TRAPPC9: variants seen among roughly 807,000 people sequenced by gnomAD.
TRAPPC9 encodes IKK2 binding protein.
TRAPPC9 carries 83 observed loss-of-function variants against 124.0 expected under a neutral mutation model. That is an observed-to-expected ratio of 0.67 (90% CI 0.56 to 0.80). The LOEUF is 0.80. Ranked by LOEUF, TRAPPC9 falls within the 30% of genes least tolerant of loss-of-function variation. TRAPPC9 has a pLI of 0.00. For missense variants in TRAPPC9, 1,302 were observed against 1,508.3 expected (o/e 0.86, Z 2.27); for synonymous variants, 638 against 617.5 (o/e 1.03, Z -0.49).
chr8:140,387,049 A>G (rs1408155008), intron 7 of TRAPPC9, among the ~76,000 whole-genome samples: 1 of 152,216 alleles, frequency 6.6e-6, no homozygotes, highest in African/African-American at 2.4e-5. Context: ...CAAACCTGAC[A>G]AAAACAAGAA....
At chr8:140,297,033 G>C (rs192510158) in intron 11 of TRAPPC9, among the ~76,000 whole-genome samples, 1 of 152,344 alleles carries the variant, frequency 6.6e-6, no homozygotes, top group African/African-American at 2.4e-5. Context: ...CTCCAGAGAG[G>C]AAAGGTGGAG....
At chr8:139,767,005 C>T (rs375268544) in intron 21 of TRAPPC9, among the ~76,000 whole-genome samples, 81 of 152,290 alleles carry the variant, frequency 5.3e-4, no homozygotes, top group African/African-American at 1.7e-3. Context: ...GCACAGGGCC[C>T]GGCTGGCAGT....
chr8:140,368,236 G>C (rs2068178545), intron 8 of TRAPPC9, among the ~76,000 whole-genome samples: 2 of 152,192 alleles, frequency 1.3e-5, no homozygotes. Flanking sequence ...GTCAAGAGCA[G>C]AGTTCAGGAC....
At chr8:139,863,715 C>T (rs1828326152) in intron 21 of TRAPPC9, among the ~76,000 whole-genome samples, 2 of 152,252 alleles carry the variant, frequency 1.3e-5, no homozygotes, top group South Asian at 4.1e-4. Flanking sequence ...AGATGCTCAA[C>T]ACGTCAACGT....
chr8:140,340,004 C>T (rs570012329), intron 9 of TRAPPC9, among the ~76,000 whole-genome samples: 8 of 152,124 alleles, frequency 5.3e-5, no homozygotes, highest in East Asian at 1.9e-4. Flanking sequence ...CACCACCACA[C>T]GCAGCTAATT....
chr8:140,311,094 T>C (rs2066283500), intron 10 of TRAPPC9, among the ~76,000 whole-genome samples, 154 bp downstream of exon 10: 1 of 152,172 alleles, frequency 6.6e-6, no homozygotes, highest in Non-Finnish European at 1.5e-5. Flanking sequence ...CTTACTTCCA[T>C]GTCATAGGGC....
intron 17 of TRAPPC9, among the ~76,000 whole-genome samples, chr8:140,035,282 TCAATATTAGAGAAATGTACTTGACAG>T (rs1840804195): frequency 2.6e-5 from 4 of 152,214 alleles, no homozygotes; most frequent in Non-Finnish European, 5.9e-5. Flanking sequence ...CTGCTGATCT[TCAATATTAGAGAAATGTACTTGACAG>T]CCAGCACTTC....
chr8:140,357,291 G>A (rs1288466869), intron 9 of TRAPPC9, among the ~76,000 whole-genome samples: 1 of 152,104 alleles, frequency 6.6e-6, no homozygotes, highest in Non-Finnish European at 1.5e-5. Flanking sequence ...GCTGTGGGAA[G>A]GAAGGTGTGT....
chr8:139,790,625 C>T (rs1444115280), intron 21 of TRAPPC9, among the ~76,000 whole-genome samples: 1 of 152,152 alleles, frequency 6.6e-6, no homozygotes, highest in Non-Finnish European at 1.5e-5. Context: ...GTGCTACCGG[C>T]ATTCAGTGGG....
At chr8:140,385,593 T>C (rs1360545068) in intron 7 of TRAPPC9, among the ~76,000 whole-genome samples, 3 of 152,166 alleles carry the variant, frequency 2.0e-5, no homozygotes, top group Admixed American at 2.0e-4. Flanking sequence ...CCTGGACACA[T>C]ACACCCTCCC....
At chr8:140,220,684 C>T (rs1587953936) in intron 17 of TRAPPC9, among the ~76,000 whole-genome samples, 1 of 152,198 alleles carries the variant, frequency 6.6e-6, no homozygotes, top group Non-Finnish European at 1.5e-5. Flanking sequence ...CCTCAAAGTC[C>T]ACTGTATCAC....
intron 19 of TRAPPC9, among the ~76,000 whole-genome samples, chr8:139,930,924 T>C (rs957685): frequency 0.021 from 3,167 of 152,266 alleles, 119 homozygotes; most frequent in African/African-American, 0.071. Context: ...GACTCTGCAC[T>C]CGGTGGTGCC....
chr8:139,853,980 T>A (rs1036818359), intron 21 of TRAPPC9, among the ~76,000 whole-genome samples: 1 of 152,230 alleles, frequency 6.6e-6, no homozygotes, highest in Non-Finnish European at 1.5e-5. Context: ...TATACCAAAA[T>A]ATTATTTAAT....
intron 4 of TRAPPC9, among the ~76,000 whole-genome samples, chr8:140,431,712 C>T (rs549420355): frequency 6.6e-6 from 1 of 152,146 alleles, no homozygotes; most frequent in African/African-American, 2.4e-5. Flanking sequence ...AGATGCAGAG[C>T]GAGGAGGTGG....
chr8:139,737,188 C>T (rs1409838562), intron 21 of TRAPPC9, among the ~76,000 whole-genome samples: 4 of 152,178 alleles, frequency 2.6e-5, no homozygotes, highest in Non-Finnish European at 5.9e-5. Context: ...TCTATCGGCG[C>T]TCCCCAGGCA....
At chr8:140,055,389 C>G (rs1842240234) in intron 17 of TRAPPC9, among the ~76,000 whole-genome samples, 1 of 152,202 alleles carries the variant, frequency 6.6e-6, no homozygotes. Context: ...CAAACCATAT[C>G]TGAAAAGCCC....
chr8:140,100,905 G>C (rs1270632854), intron 17 of TRAPPC9, among the ~76,000 whole-genome samples: 1 of 152,198 alleles, frequency 6.6e-6, no homozygotes, highest in Non-Finnish European at 1.5e-5. Context: ...TATAGGCTAA[G>C]TTACAGGGCC....
At chr8:140,249,752 C>T (rs967320216) in intron 16 of TRAPPC9, among the ~76,000 whole-genome samples, 6 of 151,912 alleles carry the variant, frequency 3.9e-5, no homozygotes, top group South Asian at 4.2e-4. Context: ...TACAGGCACC[C>T]GCCACCACGC....
rs1032843539 is a variant in TRAPPC9, at chr8:139,825,964, G to T, written c.3055+59915C>A. Among the ~76,000 whole-genome samples the T allele has an allele frequency of 6.6e-6, 1 of 152,188 alleles. No individual in the cohort carries two copies. The highest frequency in any genetic ancestry group is 2.4e-5 in the African/African-American group (1 of 41,444). ...CGCCCGTGGAACAGGCCATGATGAG[G>T]ATGTGCAACAGCAGGGGAGCTCCAG... On this transcript the variant is annotated intron_variant, in intron 21 of 22. Coordinates refer to ENST00000438773, the MANE Select transcript of TRAPPC9 (RefSeq NM_001160372.4). The surrounding 1 kb of genome is among the most constrained non-coding windows in gnomAD (Gnocchi z 4.6).
Sources: allele counts gnomAD v4.1 joint callset (sites outside exome capture counted in the v4.1 genomes callset), GRCh38; gene constraint gnomAD v4.1.1; non-coding constraint Gnocchi (gnomAD v3.1); transcripts MANE v1.5; gene names NCBI Gene and HGNC (gene_info 2026-07-23, HGNC 2026-07-21).